Variants in FRY observed in about 807,000 individuals in gnomAD.
FRY encodes the protein protein furry homolog.
In FRY, 128 loss-of-function variants were observed where a neutral mutation model predicts 348.4. That is an observed-to-expected ratio of 0.37 (90% CI 0.32 to 0.43). The LOEUF is 0.43. Ranked by LOEUF, FRY falls within the 20% of genes least tolerant of loss-of-function variation. The pLI, the probability that FRY is intolerant of heterozygous loss-of-function variation, is 1.00. For synonymous variants in FRY, 1,370 were observed against 1,374.7 expected, an observed-to-expected ratio of 1.00 and a Z score of 0.08; for missense variants, 2,736 against 3,695.2, an observed-to-expected ratio of 0.74 and a Z score of 6.73.
chr13:32,226,091 C>A, intron 39 of FRY, 117 bp downstream of exon 39: 4 of 803,228 alleles, frequency 5.0e-6, no homozygotes, highest in Non-Finnish European at 8.6e-6. Context: ...CAACTTTCCA[C>A]GTGGTAAATC....
chr13:32,256,476 A>G (rs1199462752), intron 51 of FRY, among the ~76,000 whole-genome samples: 1 of 152,016 alleles, frequency 6.6e-6, no homozygotes, highest in Non-Finnish European at 1.5e-5. Context: ...TCAAGGCTGC[A>G]GTGAGCCGTG....
rs907081020 is a variant in FRY, at chr13:32,117,984, G to T, written c.464+511G>T. 1.9e-4 allele frequency among the ~76,000 whole-genome samples: 29 copies of T among 152,132 alleles called. 1 individual carries two copies. Among genetic ancestry groups the T allele is most frequent in the African/African-American group, 7.0e-4 (29 of 41,408 alleles). On this transcript the variant is annotated intron_variant, in intron 4 of 60. Transcript: ENST00000542859. ...TCAGCCTCCTTGTGAGCAAAACAAG[G>T]AAGTTAGGTGACACCATCTCCAACT... is the stretch of plus-strand genomic sequence containing the variant.
Position 32,171,131 on chromosome 13 carries a change from T to C in FRY, c.2012T>C (p.Leu671Pro), listed in dbSNP as rs1350389286. Residue 671 changes from leucine to proline, a missense_variant, in exon 18 of 61, where the codon CTC becomes CCC. Around this residue, in one of 9 missense-constraint regions of FRY, gnomAD observed 449 missense variants for 576.9 expected, o/e 0.78. Transcript: ENST00000542859. ...CTATTTGGCTTTACCAACTTCCTGC[T>C]CCGGGAAGTAAATGATATGCATCAC... ...DVLFGFTNFL[L>P]REVNDMHHTL... 1 of 1,613,460 alleles carries C rather than the reference T, an allele frequency of 6.2e-7. No homozygotes were observed. Among genetic ancestry groups the C allele is most frequent in the Non-Finnish European group, 8.5e-7 (1 of 1,179,598 alleles).
At chr13:32,244,605 C>T (rs190846689) in intron 47 of FRY, among the ~76,000 whole-genome samples, 1 of 152,240 alleles carries the variant, frequency 6.6e-6, no homozygotes, top group East Asian at 1.9e-4. Flanking sequence ...AAAACTGTCA[C>T]TTTAGAGTTG....
chr13:32,275,220 T>TAA, intron 56 of FRY: 50 of 162,356 alleles, frequency 3.1e-4, no homozygotes, highest in South Asian at 9.7e-4. Context: ...CTATTAAAAA[T>TAA]ACAAAAAAAA....
intron 23 of FRY, among the ~76,000 whole-genome samples, chr13:32,181,663 C>G (rs1882721171): frequency 6.6e-6 from 1 of 150,644 alleles, no homozygotes; most frequent in Admixed American, 6.6e-5. Flanking sequence ...CCTGAAGAAT[C>G]TAAGATTGTT....
In FRY at chr13:32,265,678, A is replaced by G. The variant is rs374470919; in HGVS notation, c.7946+62A>G. 3.3e-4 allele frequency: 497 copies of G among 1,497,876 alleles called. 2 individuals carry two copies. The African/African-American group carries it at 5.5e-3, about 16-fold the overall frequency. The allele number at this position is 1,497,876 out of a possible 1,614,324, so 92.8% of individuals were successfully genotyped here. A position where few individuals can be genotyped will look rare whatever the true frequency, so the allele number is the denominator to read the frequency against. ...GTGCATGGTACATTATATGGCATTCACACTCAAGTTAAGTGTCACAGTTGC... is the reference window on the plus strand; with the variant it reads ...GTGCATGGTACATTATATGGCATTCGCACTCAAGTTAAGTGTCACAGTTGC... On this transcript the variant is annotated intron_variant, in intron 54 of 60. Transcript: ENST00000542859.
At chr13:32,188,615 A>G (rs1176443255) in intron 28 of FRY, among the ~76,000 whole-genome samples, 1 of 152,138 alleles carries the variant, frequency 6.6e-6, no homozygotes, top group Non-Finnish European at 1.5e-5. Flanking sequence ...GAAAGTCAAC[A>G]AGCGAAATTC....
chr13:32,194,361 A>G, intron 29 of FRY, 64 bp downstream of exon 29: 1 of 1,444,506 alleles, frequency 6.9e-7, no homozygotes, highest in Non-Finnish European at 9.7e-7. Context: ...TGTGATATGA[A>G]TGACGGAGAG....
chr13:32,072,435 T>C (rs1874725910), intron 1 of FRY, among the ~76,000 whole-genome samples: 1 of 152,212 alleles, frequency 6.6e-6, no homozygotes, highest in African/African-American at 2.4e-5. Flanking sequence ...ACTATTGATT[T>C]TTTTTGTCCC....
At chr13:32,059,951 T>C (rs981359011) in intron 1 of FRY, among the ~76,000 whole-genome samples, 1 of 152,236 alleles carries the variant, frequency 6.6e-6, no homozygotes, top group East Asian at 1.9e-4. Context: ...TGCTGGTGTT[T>C]AGCTCAGCAG....
At chr13:32,190,628 T>C (rs1883285406) in intron 28 of FRY, among the ~76,000 whole-genome samples, 1 of 152,072 alleles carries the variant, frequency 6.6e-6, no homozygotes, top group African/African-American at 2.4e-5. Context: ...CTAACAAAAA[T>C]GTGCAAGGCC....
chr13:32,089,623 A>C (rs182045783), intron 2 of FRY, among the ~76,000 whole-genome samples: 1 of 152,070 alleles, frequency 6.6e-6, no homozygotes, highest in Non-Finnish European at 1.5e-5. Context: ...AAAAACAAAA[A>C]AATTAGCCAG....
intron 35 of FRY, among the ~76,000 whole-genome samples, chr13:32,215,174 A>G (rs1418084162): frequency 1.3e-5 from 2 of 152,228 alleles, no homozygotes; most frequent in Non-Finnish European, 2.9e-5. Context: ...AAGTAAGAAA[A>G]GAAAAATAAA....
At chr13:32,165,960 T>C (rs1881710773) in intron 17 of FRY, among the ~76,000 whole-genome samples, 1 of 152,202 alleles carries the variant, frequency 6.6e-6, no homozygotes, top group South Asian at 2.1e-4. Context: ...CACTCACTTG[T>C]TCTCCATCAC....
At chr13:32,048,363 G>C (rs1332717813) in intron 1 of FRY, among the ~76,000 whole-genome samples, 4 of 152,174 alleles carry the variant, frequency 2.6e-5, no homozygotes, top group African/African-American at 9.7e-5. Flanking sequence ...CTCACCTGTT[G>C]TTTTGTTTGA....
chr13:32,211,454 A>G (rs798982), intron 34 of FRY, among the ~76,000 whole-genome samples: 61,833 of 152,008 alleles, frequency 0.41, 12,780 homozygotes, highest in Admixed American at 0.43. Flanking sequence ...GCAAGACTGT[A>G]TCTCAAAAAA....
intron 51 of FRY, 56 bp downstream of exon 51, chr13:32,254,450 A>G (rs1887236157): frequency 3.4e-6 from 5 of 1,456,396 alleles, no homozygotes; most frequent in Non-Finnish European, 4.8e-6. Flanking sequence ...GACTAATGAA[A>G]CTATTCTTTT....
chr13:32,052,323 A>G (rs1873373619), intron 1 of FRY, among the ~76,000 whole-genome samples: 1 of 152,242 alleles, frequency 6.6e-6, no homozygotes, highest in African/African-American at 2.4e-5. Flanking sequence ...TAAAGACACA[A>G]CACTAGCTTT....
Sources: allele counts gnomAD v4.1 joint callset (sites outside exome capture counted in the v4.1 genomes callset), GRCh38; gene constraint gnomAD v4.1.1; regional missense constraint gnomAD v4.1.1; transcripts MANE v1.5; gene names NCBI Gene and HGNC (gene_info 2026-07-23, HGNC 2026-07-21).